DNASE1L2: variants seen among roughly 807,000 people sequenced by gnomAD.
DNASE1L2 encodes the protein deoxyribonuclease-1-like 2.
DNASE1L2 carries 35 observed loss-of-function variants against 31.8 expected under a neutral mutation model. The observed-to-expected ratio is 1.10, with a 90% CI of 0.84 to 1.46. The LOEUF is 1.46. DNASE1L2 is among the 40% of genes most tolerant of loss of function. DNASE1L2 has a pLI of 0.00. For missense variants in DNASE1L2, 504 were observed against 418.8 expected (o/e 1.20, Z -1.77); for synonymous variants, 211 against 186.5 (o/e 1.13, Z -1.07).
In DNASE1L2 at chr16:2,237,751, TCCGCGGCGC is replaced by T. The variant is rs766027556; in HGVS notation, c.592-11_592-3del. On this transcript the variant is annotated splice_polypyrimidine_tract_variant and splice_region_variant and intron_variant, in intron 5 of 6. Transcript: ENST00000320700. ...GCTCCTGCGGCGGCTCAGACACGGC[TCCGCGGCGC>T]CCGCAGGACATGCTGTTCCTGGGCG... 52 of 1,599,500 alleles carry T rather than the reference TCCGCGGCGC, an allele frequency of 3.3e-5. No homozygotes were observed. Among genetic ancestry groups the T allele is most frequent in the Middle Eastern group, 3.3e-4 (2 of 6,052 alleles).
intron 6 of DNASE1L2, 99 bp from the exon 7 acceptor site, chr16:2,238,263 C>G: frequency 3.2e-6 from 5 of 1,539,618 alleles, no homozygotes; most frequent in Non-Finnish European, 3.6e-6. Flanking sequence ...CCTGCCCCAC[C>G]GCAGGCAGCA....
Position 2,237,611 on chromosome 16 carries a change from G to A in DNASE1L2, c.553G>A (p.Asp185Asn), listed in dbSNP as rs766331933. ...QAVAEIDALY[D>N]VYLDVIDKWG... ...CGTGGCGGAGATCGACGCGCTCTAC[G>A]ACGTGTACCTGGACGTGATCGACAA... Residue 185 changes from aspartate to asparagine, a missense_variant, in exon 5 of 7, where the codon GAC becomes AAC. Coordinates refer to ENST00000320700, the MANE Select transcript of DNASE1L2 (RefSeq NM_001374.3). The A allele has an allele frequency of 3.1e-6, 5 of 1,610,914 alleles. No individual in the cohort carries two copies. Among genetic ancestry groups the A allele is most frequent in the African/African-American group, 1.3e-5 (1 of 74,840 alleles).
Position 2,236,553 on chromosome 16 carries a change from C to G in DNASE1L2, c.-47C>G. On this transcript the variant is annotated 5_prime_UTR_variant, in exon 1 of 7. Coordinates refer to ENST00000320700, the MANE Select transcript of DNASE1L2 (RefSeq NM_001374.3). The stretch of plus-strand genomic sequence containing the variant: ...TCTGAGCCTCGGGCCTCTGCACCCA[C>G]ATCCAAGGTGAGTCTCTCGGCTGCC... 1 of 1,263,514 alleles carries G rather than the reference C, an allele frequency of 7.9e-7. No homozygotes were observed. Among genetic ancestry groups the G allele is most frequent in the Non-Finnish European group, 9.9e-7 (1 of 1,006,510 alleles). 78.3% of individuals were successfully genotyped at this position (1,263,514 alleles called of 1,614,324 possible).
At position 2,237,096 on chromosome 16, in the gene DNASE1L2, C is replaced by T; in HGVS notation, c.203C>T (p.Ala68Val). Reference sequence around the variant, plus strand: ...GAGGTGCGAGACCCAGACCTCAGCGCCGTGTCCGCGCTCATGGAGCAGATC... The same window carrying T: ...GAGGTGCGAGACCCAGACCTCAGCGTCGTGTCCGCGCTCATGGAGCAGATC... ...VQEVRDPDLS[A>V]VSALMEQINS... Residue 68 changes from alanine to valine, a missense_variant, in exon 3 of 7, where the codon GCC becomes GTC. Ala to Val is a moderately conservative substitution (Grantham distance 64). Transcript: ENST00000320700. 6 of 1,549,922 alleles carry T rather than the reference C, an allele frequency of 3.9e-6. No individual in the cohort carries two copies. Among genetic ancestry groups the T allele is most frequent in the Non-Finnish European group, 5.2e-6 (6 of 1,147,248 alleles).
Position 2,238,568 on chromosome 16 carries a change from C to T in DNASE1L2, c.*150C>T, listed in dbSNP as rs1488360657. ...CCAGGGGCCATGGACACGTGATGTGCTGCTCTGTACCTCCGTTCCCCATCT... is the reference window on the plus strand; with the variant it reads ...CCAGGGGCCATGGACACGTGATGTGTTGCTCTGTACCTCCGTTCCCCATCT... On this transcript the variant is annotated 3_prime_UTR_variant, in exon 7 of 7. Transcript: ENST00000320700. 9.2e-5 allele frequency: 81 copies of T among 877,718 alleles called. No individual in the cohort carries two copies. Among genetic ancestry groups the T allele is most frequent in the Non-Finnish European group, 1.4e-4 (79 of 552,788 alleles). 54.4% of individuals were successfully genotyped at this position (877,718 alleles called of 1,614,324 possible).
rs980771117 is a variant in DNASE1L2 at position 2,237,218 on chromosome 16, C to G, written c.234C>G (p.Ser78Arg). The G allele has an allele frequency of 6.4e-7, 1 of 1,570,778 alleles. No individual in the cohort carries two copies. Among genetic ancestry groups the G allele is most frequent in the Admixed American group, 1.9e-5 (1 of 52,900 alleles). Residue 78 changes from serine (S) to arginine (R), a missense_variant and splice_region_variant, in exon 4 of 7, where the codon AGC (serine) becomes AGG (arginine). Coordinates refer to ENST00000320700, the MANE Select transcript of DNASE1L2 (RefSeq NM_001374.3). ...CCTGAGCGGGCCCCTGTCTCCGCAG[C>G]GTGTCCGAGCACGAGTACAGCTTTG... ...AVSALMEQINSVSEHEYSFVS... is the reference protein window; with the variant it reads ...AVSALMEQINRVSEHEYSFVS...
Position 2,237,907 on chromosome 16 carries a change from C to T in DNASE1L2, c.732C>T (p.Asp244=). 8 of 1,612,442 alleles carry T rather than the reference C, an allele frequency of 5.0e-6. No individual in the cohort carries two copies. Among genetic ancestry groups the T allele is most frequent in the Non-Finnish European group, 6.8e-6 (8 of 1,179,814 alleles). Residue 244 remains aspartate (D), a synonymous_variant, in exon 6 of 7, where the codon GAC becomes GAT. Transcript: ENST00000320700. ...CCGACACCACGGTGGGCAACTCAGACTGCGCCTACGACCGCATTGTGGCCT... is the reference window on the plus strand; with the variant it reads ...CCGACACCACGGTGGGCAACTCAGATTGCGCCTACGACCGCATTGTGGCCT... ...DSADTTVGNS[D]CAYDRIVACG...
At chr16:2,237,015 C>G in intron 2 of DNASE1L2, 23 bp from the exon 3 acceptor site, 4 of 1,545,882 alleles carry the variant, frequency 2.6e-6, no homozygotes, top group Non-Finnish European at 1.7e-6. Context: ...GCGCTGACCC[C>G]CGCACCCGCC....
At chr16:2,237,703 T>A in intron 5 of DNASE1L2, 54 bp downstream of exon 5, 1 of 1,591,770 alleles carries the variant, frequency 6.3e-7, no homozygotes, top group Non-Finnish European at 8.6e-7. Flanking sequence ...GGGGGTCTGG[T>A]TCATGAGGGC....
In DNASE1L2 at chr16:2,236,797, C is replaced by T. The variant is rs775982907; in HGVS notation, c.-20C>T. 16 of 1,585,062 alleles carry T rather than the reference C, an allele frequency of 1.0e-5. No homozygotes were observed. The highest frequency in any genetic ancestry group is 4.0e-4 in the Middle Eastern group (2 of 4,988). The stretch of plus-strand genomic sequence containing the variant: ...GCGTAGGCGGCAGCGTCTGTCCCTC[C>T]CAGCCTCTCGCTCCGCGCCATGGGC... On this transcript the variant is annotated 5_prime_UTR_variant, in exon 2 of 7. Coordinates refer to ENST00000320700, the MANE Select transcript of DNASE1L2 (RefSeq NM_001374.3).
Position 2,237,053 on chromosome 16 carries a change from G to GACCTC in DNASE1L2, c.161_165dup (p.Ala56ThrfsTer34), listed in dbSNP as rs1337355649. The GACCTC allele has an allele frequency of 1.9e-6, 3 of 1,549,438 alleles. No individual in the cohort carries two copies. Among genetic ancestry groups the GACCTC allele is most frequent in the Admixed American group, 3.9e-5 (2 of 51,054 alleles). ...TCCTCCCCAGATCCTGGCTGGCTAT[G>GACCTC]ACCTCGCGCTGGTGCAGGAGGTGCG... On this transcript the variant is annotated frameshift_variant, in exon 3 of 7. Coordinates refer to ENST00000320700, the MANE Select transcript of DNASE1L2 (RefSeq NM_001374.3). LOFTEE classifies it high-confidence loss of function.
rs759967744 is a variant in DNASE1L2 at position 2,237,972 on chromosome 16, C to G, written c.797C>G (p.Ala266Gly). ...RLRRSLKPQS[A>G]TVHDFQEEFG... ...CGCCGGAGCCTGAAGCCCCAGTCGG[C>G]CACCGTGCACGACTTCCAGGAGGAA... is the stretch of plus-strand genomic sequence containing the variant. The change falls in exon 6 of 7, where the codon GCC (alanine) becomes GGC (glycine). Residue 266 changes from alanine (A) to glycine (G), a missense_variant. Transcript: ENST00000320700. The G allele has an allele frequency of 3.5e-5, 57 of 1,607,904 alleles. No homozygotes were observed. Among genetic ancestry groups the G allele is most frequent in the Non-Finnish European group, 4.7e-5 (55 of 1,178,332 alleles).
At position 2,238,650 on chromosome 16, in the gene DNASE1L2, C is replaced by T. The variant is rs570373828; in HGVS notation, c.*232C>T. 4.7e-4 allele frequency: 277 copies of T among 589,868 alleles called. 1 individual carries two copies. The Middle Eastern group carries it at 6.4e-3, about 14-fold the overall frequency. 36.5% of individuals were successfully genotyped at this position (589,868 alleles called of 1,614,324 possible). On this transcript the variant is annotated 3_prime_UTR_variant, in exon 7 of 7. Coordinates refer to ENST00000320700, the MANE Select transcript of DNASE1L2 (RefSeq NM_001374.3). ...GGTGTTGTGAGCCCCATGAGGGGTG[C>T]AGGGGGCACTGCCCGGCAGATGTCT... is the stretch of plus-strand genomic sequence containing the variant.
intron 2 of DNASE1L2, 33 bp downstream of exon 2, chr16:2,236,993 G>A: frequency 6.5e-7 from 1 of 1,546,538 alleles, no homozygotes; most frequent in Non-Finnish European, 8.7e-7. Context: ...GCGGCGTTTA[G>A]GGGTGCTGAC....
Position 2,237,913 on chromosome 16 carries a change from C to T in DNASE1L2, c.738C>T (p.Ala246=), listed in dbSNP as rs746809040. ...ADTTVGNSDC[A]YDRIVACGAR... ...CCACGGTGGGCAACTCAGACTGCGC[C>T]TACGACCGCATTGTGGCCTGTGGCG... Residue 246 remains alanine (A), a synonymous_variant, in exon 6 of 7, where the codon GCC becomes GCT. Transcript: ENST00000320700. 1 of 1,612,118 alleles carries T rather than the reference C, an allele frequency of 6.2e-7. No individual in the cohort carries two copies. Among genetic ancestry groups the T allele is most frequent in the South Asian group, 1.1e-5 (1 of 91,028 alleles).
chr16:2,238,529 CG>C lies in DNASE1L2; in HGVS notation c.*113del. 1 of 1,355,364 alleles carries C rather than the reference CG, an allele frequency of 7.4e-7. No individual in the cohort carries two copies. The highest frequency in any genetic ancestry group is 1.7e-5 in the Admixed American group (1 of 57,870). 84.0% of individuals were successfully genotyped at this position (1,355,364 alleles called of 1,614,324 possible). ...CTTCAGTGAGGCCCCAAGGCAGAGT[CG>C]GCTGGGCGTGGACCAGGGGCCATGG... On this transcript the variant is annotated 3_prime_UTR_variant, in exon 7 of 7. Coordinates refer to ENST00000320700, the MANE Select transcript of DNASE1L2 (RefSeq NM_001374.3).
Position 2,237,493 on chromosome 16 carries a change from C to T in DNASE1L2, c.435C>T (p.Pro145=). 4.5e-6 allele frequency: 7 copies of T among 1,571,806 alleles called. No individual in the cohort carries two copies. Among genetic ancestry groups the T allele is most frequent in the Non-Finnish European group, 6.0e-6 (7 of 1,160,130 alleles). The change falls in exon 5 of 7, where the codon CCC becomes CCT. Residue 145 remains proline (P), a synonymous_variant. Transcript: ENST00000320700. ...CCGGCACCGGTGAGCGGGCCCCGCC[C>T]CTCCCCTCCCGCCGAGCTCTGACGC... is the stretch of plus-strand genomic sequence containing the variant. ...SAPGTGERAP[P]LPSRRALTPP...
intron 3 of DNASE1L2, 23 bp from the exon 4 acceptor site, chr16:2,237,195 T>G: frequency 2.6e-6 from 4 of 1,556,060 alleles, no homozygotes; most frequent in Non-Finnish European, 3.5e-6. Context: ...GCCCCGACCC[T>G]GAGCGGGCCC....
chr16:2,238,143 C>A, intron 6 of DNASE1L2, 125 bp downstream of exon 6: 4 of 1,454,828 alleles, frequency 2.7e-6, no homozygotes, highest in Non-Finnish European at 3.6e-6. Context: ...GGGCTCGTTT[C>A]CAAGGACCCT....
Sources: allele counts gnomAD v4.1 joint callset, GRCh38; gene constraint gnomAD v4.1.1; transcripts MANE v1.5; gene names NCBI Gene and HGNC (gene_info 2026-07-23, HGNC 2026-07-21).